The following TMEM131L variants were observed in gnomAD, a reference collection of about 807,000 sequenced individuals.
TMEM131L encodes the protein transmembrane protein 131-like.
In TMEM131L, 54 loss-of-function variants were observed where a neutral mutation model predicts 192.2. The observed-to-expected ratio is 0.28, with a 90% CI of 0.23 to 0.35. The LOEUF (loss-of-function observed/expected upper bound fraction) is 0.35. Ranked by LOEUF, TMEM131L falls within the 10% of genes least tolerant of loss-of-function variation. The probability of loss-of-function intolerance (pLI) is 1.00; values close to 1 mark genes in which losing one functional copy is unlikely to be tolerated. For missense variants in TMEM131L, 1,888 were observed against 1,972.9 expected, an observed-to-expected ratio of 0.96 and a Z score of 0.82; for synonymous variants, 701 against 704.9, an observed-to-expected ratio of 0.99 and a Z score of 0.09.
chr4:153,612,982 A>G (rs1732739857), intron 26 of TMEM131L, among the ~76,000 whole-genome samples: 1 of 152,220 alleles, frequency 6.6e-6, no homozygotes, highest in South Asian at 2.1e-4. Context: ...AGAAAAATCA[A>G]GAAGTACAAA....
At chr4:153,513,911 A>G (rs2150093420) in intron 3 of TMEM131L, among the ~76,000 whole-genome samples, 2 of 152,334 alleles carry the variant, frequency 1.3e-5, no homozygotes, top group Middle Eastern at 6.8e-3. Context: ...GACTTAGGTC[A>G]TGGTTGGGAT....
In TMEM131L at chr4:153,620,871, C is replaced by T; in HGVS notation, c.3683C>T (p.Pro1228Leu). 1.3e-6 allele frequency: 2 copies of T among 1,593,082 alleles called. No homozygotes were observed. The highest frequency in any genetic ancestry group is 1.7e-6 in the Non-Finnish European group (2 of 1,173,272). ...CRKNKKRGVA[P>L]VSRPPEQSDL... Reference sequence around the variant, plus strand: ...AAGAACAAGAAAAGGGGTGTTGCTCCAGTCTCAAGGTGCGTAATTCTTACT... The same window carrying T: ...AAGAACAAGAAAAGGGGTGTTGCTCTAGTCTCAAGGTGCGTAATTCTTACT... The change falls in exon 27 of 35, where the codon CCA (proline) becomes CTA (leucine). Residue 1228 changes from proline (P) to leucine (L), a missense_variant. Coordinates refer to ENST00000409959, the MANE Select transcript of TMEM131L (RefSeq NM_001131007.2).
chr4:153,515,587 A>T (rs571350722), intron 3 of TMEM131L, among the ~76,000 whole-genome samples: 2 of 152,208 alleles, frequency 1.3e-5, no homozygotes, highest in Non-Finnish European at 2.9e-5. Context: ...TATTGGTTAT[A>T]TATCTACGAG....
intron 3 of TMEM131L, among the ~76,000 whole-genome samples, chr4:153,498,594 A>G (rs965557385): frequency 5.9e-5 from 9 of 152,130 alleles, no homozygotes; most frequent in African/African-American, 2.2e-4. Flanking sequence ...AGTTCTTTCA[A>G]GCTCTCTCTT....
intron 3 of TMEM131L, among the ~76,000 whole-genome samples, chr4:153,474,665 C>T (rs780892711): frequency 6.6e-6 from 1 of 152,210 alleles, no homozygotes; most frequent in Non-Finnish European, 1.5e-5. Flanking sequence ...AAGCAATTCT[C>T]CTGCCTCAGC....
At chr4:153,602,384 A>C in intron 22 of TMEM131L, 46 bp downstream of exon 22, 2 of 1,587,012 alleles carry the variant, frequency 1.3e-6, no homozygotes, top group African/African-American at 1.4e-5. Context: ...GGTGCGTTTA[A>C]CAATGTGAGG....
intron 3 of TMEM131L, among the ~76,000 whole-genome samples, chr4:153,493,428 A>G (rs1232380053): frequency 6.6e-6 from 1 of 151,722 alleles, no homozygotes; most frequent in Non-Finnish European, 1.5e-5. Flanking sequence ...TGGGAGGCCA[A>G]GGCGGGTGGA....
chr4:153,626,636 T>C (rs4696471), intron 30 of TMEM131L, among the ~76,000 whole-genome samples: 76,080 of 152,102 alleles, frequency 0.5, 19,742 homozygotes, highest in African/African-American at 0.62. Context: ...TAGCGGCGCA[T>C]GCCTGTATTT....
chr4:153,600,564 T>C (rs1052040387), intron 21 of TMEM131L, among the ~76,000 whole-genome samples: 6 of 152,224 alleles, frequency 3.9e-5, no homozygotes, highest in Non-Finnish European at 7.3e-5. Context: ...AAACTACTTA[T>C]GTTAGTTTCA....
intron 3 of TMEM131L, among the ~76,000 whole-genome samples, chr4:153,545,290 C>CTTTTTTTTTTTTTTTTTT (rs59852943): frequency 0.013 from 1,688 of 131,902 alleles, 90 homozygotes; most frequent in East Asian, 0.055. Context: ...CTTTTTCAAA[C>CTTTTTTTTTTTTTTTTTT]TTTTTTTTTT....
intron 3 of TMEM131L, among the ~76,000 whole-genome samples, chr4:153,482,040 T>C (rs999819753): frequency 1.3e-5 from 2 of 151,906 alleles, no homozygotes; most frequent in African/African-American, 4.8e-5. Flanking sequence ...AGAGATAGGG[T>C]TTCACCATGT....
chr4:153,601,927 G>C, intron 21 of TMEM131L: 1 of 310,608 alleles, frequency 3.2e-6, no homozygotes, highest in Non-Finnish European at 5.8e-6. Flanking sequence ...TTTCATGTAA[G>C]AAAAGTCTTG....
intron 3 of TMEM131L, among the ~76,000 whole-genome samples, chr4:153,541,485 C>G (rs1028374090): frequency 6.6e-6 from 1 of 152,046 alleles, no homozygotes; most frequent in East Asian, 1.9e-4. Flanking sequence ...CACTCACTGG[C>G]GTGGGAATAT....
chr4:153,474,370 G>A (rs2149744202), intron 3 of TMEM131L, among the ~76,000 whole-genome samples: 1 of 152,312 alleles, frequency 6.6e-6, no homozygotes, highest in East Asian at 1.9e-4. Flanking sequence ...GCTGAAGCCT[G>A]GAGGAAACAG....
chr4:153,490,911 G>T (rs1246050555), intron 3 of TMEM131L, among the ~76,000 whole-genome samples: 5 of 138,542 alleles, frequency 3.6e-5, no homozygotes. Context: ...CCGAGATCAC[G>T]CCACTGCACT....
At chr4:153,494,118 A>T (rs76341147) in intron 3 of TMEM131L, among the ~76,000 whole-genome samples, 2,679 of 152,076 alleles carry the variant, frequency 0.018, 84 homozygotes, top group African/African-American at 0.058. Context: ...CTCATCTGTA[A>T]AAGTGGGCCA....
At chr4:153,553,797 C>T (rs1034817641) in intron 4 of TMEM131L, among the ~76,000 whole-genome samples, 3 of 152,196 alleles carry the variant, frequency 2.0e-5, no homozygotes, top group Admixed American at 2.0e-4. Context: ...AAGTGCTAAT[C>T]ATTCATAGAG....
chr4:153,556,113 G>A (rs1476851975), intron 5 of TMEM131L, among the ~76,000 whole-genome samples: 1 of 151,360 alleles, frequency 6.6e-6, no homozygotes, highest in Non-Finnish European at 1.5e-5. Context: ...TATCTACTGG[G>A]GCCGGGGGGA....
intron 3 of TMEM131L, among the ~76,000 whole-genome samples, chr4:153,500,669 C>G (rs1580080517): frequency 6.6e-6 from 1 of 152,334 alleles, no homozygotes; most frequent in South Asian, 2.1e-4. Flanking sequence ...GCTAACTTCT[C>G]TTTCTCAATA....
Sources: gnomAD v4.1 joint callset for allele counts (sites outside exome capture counted in the v4.1 genomes callset) on GRCh38, gnomAD v4.1.1 for gene constraint, MANE v1.5 for transcripts, NCBI Gene and HGNC (gene_info 2026-07-23, HGNC 2026-07-21) for gene names.